The following PDS5A variants were observed in gnomAD, a reference collection of about 807,000 sequenced individuals.
PDS5A encodes PDS5 cohesin associated factor A, also known as sister chromatid cohesion protein PDS5 homolog A.
Under a neutral mutation model 167.1 loss-of-function variants are expected in PDS5A, and 42 were observed. That is an observed-to-expected ratio of 0.25 (90% confidence interval 0.20 to 0.33). The LOEUF is 0.33. PDS5A is among the 10% of genes least tolerant of loss of function. The pLI is 1.00. For synonymous variants in PDS5A, 553 were observed against 554.6 expected (o/e 1.00, Z 0.04); for missense variants, 1,033 against 1,605.9 (o/e 0.64, Z 6.10).
Position 39,929,537 on chromosome 4 carries a change from A to C in PDS5A, c.139-1373T>G, listed in dbSNP as rs1399229162. Among the ~76,000 whole-genome samples, 50 of 71,704 alleles carry C rather than the reference A, an allele frequency of 7.0e-4. 3 individuals carry two copies. Among genetic ancestry groups the C allele is most frequent in the Non-Finnish European group, 1.3e-3 (38 of 28,658 alleles). The allele number at this position is 71,704 out of a possible 152,430, so 47.0% of individuals were successfully genotyped here. On this transcript the variant is annotated intron_variant, in intron 2 of 32. Coordinates refer to ENST00000303538, the MANE Select transcript of PDS5A (RefSeq NM_001100399.2). Reference sequence around the variant, plus strand: ...TAATAAACTATATATATATATATATATATATATATATATATATATCCCATT... The same window carrying C: ...TAATAAACTATATATATATATATATCTATATATATATATATATATCCCATT...
At chr4:39,826,632 C>T (rs1715353061) in intron 32 of PDS5A, among the ~76,000 whole-genome samples, 1 of 151,504 alleles carries the variant, frequency 6.6e-6, no homozygotes. Flanking sequence ...ACTACAGGTG[C>T]GTGCCACCAT....
intron 31 of PDS5A, 56 bp from the exon 32 acceptor site, chr4:39,838,264 C>CT: frequency 8.2e-7 from 1 of 1,213,210 alleles, no homozygotes; most frequent in Non-Finnish European, 1.1e-6. Context: ...TTAATGATCT[C>CT]TATTAGAAAA....
intron 8 of PDS5A, among the ~76,000 whole-genome samples, chr4:39,913,979 C>T (rs1311613077): frequency 5.3e-5 from 8 of 152,112 alleles, no homozygotes; most frequent in Non-Finnish European, 1.2e-4. Flanking sequence ...GCATTCTATA[C>T]ATTGGTTATG....
At chr4:39,835,822 C>T (rs553724730) in intron 32 of PDS5A, among the ~76,000 whole-genome samples, 1 of 152,182 alleles carries the variant, frequency 6.6e-6, no homozygotes, top group Non-Finnish European at 1.5e-5. Context: ...CGTGCCTGGC[C>T]ACAAGTATGT....
At chr4:39,907,946 C>T (rs939650121) in intron 11 of PDS5A, among the ~76,000 whole-genome samples, 4 of 152,140 alleles carry the variant, frequency 2.6e-5, no homozygotes, top group African/African-American at 9.7e-5. Context: ...AAACATATAA[C>T]CATCATTATT....
At chr4:39,954,469 C>T (rs1728721031) in intron 2 of PDS5A, among the ~76,000 whole-genome samples, 1 of 151,940 alleles carries the variant, frequency 6.6e-6, no homozygotes, top group South Asian at 2.1e-4. Flanking sequence ...CGGGCATGTG[C>T]CACCACCCTC....
chr4:39,863,593 T>C, intron 23 of PDS5A, 134 bp from the exon 24 acceptor site: 1 of 566,632 alleles, frequency 1.8e-6, no homozygotes, highest in Non-Finnish European at 3.0e-6. Context: ...ATGGGAAAGC[T>C]ACTTTGAGTC....
intron 26 of PDS5A, among the ~76,000 whole-genome samples, chr4:39,851,568 G>A (rs750387010): frequency 6.6e-5 from 10 of 152,168 alleles, no homozygotes; most frequent in Non-Finnish European, 1.3e-4. Context: ...GACTGCAGGC[G>A]TAAGCTACCA....
At chr4:39,943,182 A>C (rs1304947552) in intron 2 of PDS5A, among the ~76,000 whole-genome samples, 2 of 151,702 alleles carry the variant, frequency 1.3e-5, no homozygotes, top group African/African-American at 4.8e-5. Context: ...ACGCACACAT[A>C]TATACATATA....
intron 26 of PDS5A, among the ~76,000 whole-genome samples, chr4:39,853,823 T>C (rs765868757): frequency 1.3e-5 from 2 of 152,258 alleles, no homozygotes; most frequent in Non-Finnish European, 2.9e-5. Context: ...TTTTGGCAAT[T>C]TGGCTTTCAC....
At chr4:39,828,904 G>C (rs1338747127) in intron 32 of PDS5A, among the ~76,000 whole-genome samples, 3 of 152,268 alleles carry the variant, frequency 2.0e-5, no homozygotes, top group African/African-American at 4.8e-5. Context: ...ATCATGCAAG[G>C]AAAAATAAAA....
chr4:39,955,662 A>G (rs975361765), intron 2 of PDS5A, among the ~76,000 whole-genome samples: 1 of 152,072 alleles, frequency 6.6e-6, no homozygotes, highest in Non-Finnish European at 1.5e-5. Context: ...GGGAGGCATT[A>G]CTGTGGGAGG....
rs1325688941 is a variant in PDS5A, at chr4:39,977,497, CCT to C, written c.-83_-82del. The C allele has an allele frequency of 1.9e-5, 3 of 155,000 alleles. No individual in the cohort carries two copies. The highest frequency in any genetic ancestry group is 4.3e-5 in the Non-Finnish European group (3 of 69,846). 9.6% of individuals were successfully genotyped at this position (155,000 alleles called of 1,614,324 possible). On this transcript the variant is annotated 5_prime_UTR_variant, in exon 1 of 33. Transcript: ENST00000303538. This position sits in a 1 kb window ranked among gnomAD's most constrained non-coding sequence, Gnocchi z 4.2. ...GCGGAAGGTGCATCGAGCGCCCGGG[CCT>C]CTGTCAGGTGGTTGCGCCGCCGCCC...
chr4:39,924,619 G>T (rs2109725838), intron 5 of PDS5A, among the ~76,000 whole-genome samples: 1 of 152,358 alleles, frequency 6.6e-6, no homozygotes, highest in East Asian at 1.9e-4. Flanking sequence ...TGGTGAACAT[G>T]TGAAACATGA....
intron 2 of PDS5A, among the ~76,000 whole-genome samples, chr4:39,952,188 G>T (rs367896005): frequency 1.3e-5 from 2 of 151,922 alleles, no homozygotes; most frequent in Admixed American, 1.3e-4. Context: ...AAAAACAGCC[G>T]GGTATGGTGG....
At chr4:39,940,628 G>A (rs990959184) in intron 2 of PDS5A, among the ~76,000 whole-genome samples, 1 of 152,200 alleles carries the variant, frequency 6.6e-6, no homozygotes, top group South Asian at 2.1e-4. Context: ...AGGAGGAACA[G>A]GAGAGAAAGA....
chr4:39,842,325 T>C (rs752813902), intron 30 of PDS5A, among the ~76,000 whole-genome samples: 1 of 152,236 alleles, frequency 6.6e-6, no homozygotes, highest in East Asian at 1.9e-4. Flanking sequence ...AAAGGGTTAA[T>C]TGTCAAGAGA....
At chr4:39,826,130 C>G (rs975883300) in intron 32 of PDS5A, among the ~76,000 whole-genome samples, 4 of 151,316 alleles carry the variant, frequency 2.6e-5, no homozygotes, top group African/African-American at 9.7e-5. Context: ...GACTCATGAG[C>G]TGGGTAAACA....
rs756082832 is a variant in PDS5A, at chr4:39,838,091, C to T, written c.3775G>A (p.Glu1259Lys). The change falls in exon 32 of 33, where the codon GAA becomes AAA. Residue 1259 changes from glutamate to lysine, a missense_variant. By Grantham distance (56) the Glu-to-Lys change is moderately conservative. Coordinates refer to ENST00000303538, the MANE Select transcript of PDS5A (RefSeq NM_001100399.2). ...TTGGAAGGGGCGGGAGGTCCCGATT[C>T]ATCTACTTTCTCATCTGTTTTTTGT... ...IQQKTDEKVD[E>K]SGPPAPSKPR... 5 of 1,613,852 alleles carry T rather than the reference C, an allele frequency of 3.1e-6. No individual in the cohort carries two copies. The highest frequency in any genetic ancestry group is 4.2e-6 in the Non-Finnish European group (5 of 1,179,810).
Sources: gnomAD v4.1 joint callset for allele counts (sites outside exome capture counted in the v4.1 genomes callset) on GRCh38, gnomAD v4.1.1 for gene constraint, Gnocchi (gnomAD v3.1) non-coding constraint, MANE v1.5 for transcripts, NCBI Gene and HGNC (gene_info 2026-07-23, HGNC 2026-07-21) for gene names.